PTGFRN: variants seen among roughly 807,000 people sequenced by gnomAD.
The protein encoded by PTGFRN is prostaglandin F2 receptor inhibitor, also known as prostaglandin F2 receptor negative regulator.
A neutral mutation model predicts 83.2 loss-of-function variants in PTGFRN; 35 were observed. The ratio of observed to expected loss-of-function variants is 0.42; its 90% CI spans 0.32 to 0.56. The LOEUF is 0.56. Among genes scored for constraint, PTGFRN ranks in the 20% least tolerant of loss-of-function variants. The pLI, the probability that PTGFRN is intolerant of heterozygous loss-of-function variation, is 0.11. For synonymous variants in PTGFRN, 519 were observed against 498.6 expected (o/e 1.04, Z -0.55); for missense variants, 1,051 against 1,179.5 (o/e 0.89, Z 1.60).
At chr1:116,934,510 G>A (rs1298318743) in intron 1 of PTGFRN, among the ~76,000 whole-genome samples, 1 of 151,932 alleles carries the variant, frequency 6.6e-6, no homozygotes, top group Non-Finnish European at 1.5e-5. Flanking sequence ...CTTAATTTCG[G>A]ATATTGTATT....
At chr1:116,924,080 G>GT (rs1168973344) in intron 1 of PTGFRN, among the ~76,000 whole-genome samples, 2 of 151,814 alleles carry the variant, frequency 1.3e-5, no homozygotes, top group Non-Finnish European at 2.9e-5. Context: ...TGCAGAAAAG[G>GT]TAAGTATGAT....
intron 7 of PTGFRN, among the ~76,000 whole-genome samples, chr1:116,981,045 C>A (rs528982058): frequency 6.6e-6 from 1 of 152,146 alleles, no homozygotes; most frequent in Admixed American, 6.5e-5. Context: ...TAAATTTTTT[C>A]TTTGCATTTA....
intron 7 of PTGFRN, among the ~76,000 whole-genome samples, chr1:116,981,400 T>G (rs12063648): frequency 0.35 from 53,350 of 151,938 alleles, 9,911 homozygotes; most frequent in African/African-American, 0.48. Flanking sequence ...TGTACAGAGG[T>G]CACAAGTTTC....
intron 7 of PTGFRN, among the ~76,000 whole-genome samples, chr1:116,976,969 C>T: frequency 6.6e-6 from 1 of 152,182 alleles, no homozygotes; most frequent in African/African-American, 2.4e-5. Context: ...GTGCTATATT[C>T]AGGAGACCCA....
intron 1 of PTGFRN, among the ~76,000 whole-genome samples, chr1:116,938,980 G>A (rs1047111243): frequency 5.3e-5 from 8 of 152,224 alleles, no homozygotes; most frequent in Admixed American, 2.0e-4. Context: ...TTGACTCCAC[G>A]TCTCACATCC....
intron 5 of PTGFRN, among the ~76,000 whole-genome samples, chr1:116,966,284 A>G (rs1570671480): frequency 1.3e-5 from 2 of 152,282 alleles, no homozygotes; most frequent in South Asian, 4.1e-4. Context: ...ATGTTTAAAC[A>G]GCATTTCTGA....
intron 5 of PTGFRN, among the ~76,000 whole-genome samples, chr1:116,963,919 G>A (rs1306243571): frequency 6.6e-6 from 1 of 151,950 alleles, no homozygotes; most frequent in Non-Finnish European, 1.5e-5. Flanking sequence ...GGAACTAGAG[G>A]CACTATAGGC....
At chr1:116,931,215 G>A (rs1003633965) in intron 1 of PTGFRN, among the ~76,000 whole-genome samples, 1 of 152,158 alleles carries the variant, frequency 6.6e-6, no homozygotes, top group African/African-American at 2.4e-5. Flanking sequence ...TCCTTAACTG[G>A]TAGGAATGCA....
intron 4 of PTGFRN, among the ~76,000 whole-genome samples, chr1:116,957,587 C>CCT (rs1650534805): frequency 6.6e-6 from 1 of 152,112 alleles, no homozygotes; most frequent in Admixed American, 6.5e-5. Flanking sequence ...AGCTAATTAA[C>CCT]ATATCCATTA....
intron 1 of PTGFRN, among the ~76,000 whole-genome samples, chr1:116,925,405 C>T (rs969656010): frequency 8.6e-5 from 13 of 150,464 alleles, no homozygotes; most frequent in Non-Finnish European, 1.3e-4. Flanking sequence ...CCAGCCTGGG[C>T]GACAGAGAGA....
rs1398886499 is a variant in PTGFRN, at chr1:116,918,332, A to T, written c.49+8080A>T. 6.6e-6 allele frequency among the ~76,000 whole-genome samples: 1 copy of T among 152,170 alleles called. No homozygotes were observed. The highest frequency in any genetic ancestry group is 2.4e-5 in the African/African-American group (1 of 41,426). ...TCACTTTCTGTCTCTGTGAAATGGG[A>T]ATAATACCTCTCTTGGAGGTTTTTC... On this transcript the variant is annotated intron_variant, in intron 1 of 8. Coordinates refer to ENST00000393203, the MANE Select transcript of PTGFRN (RefSeq NM_020440.4). The surrounding 1 kb of genome is among the most constrained non-coding windows in gnomAD (Gnocchi z 4.1).
chr1:116,963,657 G>T (rs907526864), intron 5 of PTGFRN, among the ~76,000 whole-genome samples: 46 of 152,236 alleles, frequency 3.0e-4, no homozygotes, highest in African/African-American at 1.1e-3. Context: ...GCCCAGGCTG[G>T]AGTACAGTGG....
intron 1 of PTGFRN, 127 bp downstream of exon 1, chr1:116,910,379 C>T: frequency 3.5e-6 from 3 of 847,266 alleles, no homozygotes; most frequent in Non-Finnish European, 4.5e-6. Context: ...GGAAACCCGG[C>T]CGGGGTGCGC....
At chr1:116,939,070 C>T (rs1188726510) in intron 1 of PTGFRN, among the ~76,000 whole-genome samples, 1 of 152,252 alleles carries the variant, frequency 6.6e-6, no homozygotes, top group African/African-American at 2.4e-5. Context: ...TACTGCCTCC[C>T]TCCCGGCTGC....
intron 5 of PTGFRN, among the ~76,000 whole-genome samples, chr1:116,963,078 A>G (rs1354227285): frequency 6.6e-6 from 1 of 152,180 alleles, no homozygotes; most frequent in Non-Finnish European, 1.5e-5. Context: ...TGGCCAAACC[A>G]CAACCCAGTT....
Position 116,918,007 on chromosome 1 carries a change from C to G in PTGFRN, c.49+7755C>G, listed in dbSNP as rs182205089. On this transcript the variant is annotated intron_variant, in intron 1 of 8. Transcript: ENST00000393203. This position sits in a 1 kb window ranked among gnomAD's most constrained non-coding sequence, Gnocchi z 4.1. ...TTGATTGGTGGAATTAACTTACTCT[C>G]TGATAGCTTTTAGGTCTTTGGCTGT... Among the ~76,000 whole-genome samples, 50 of 152,286 alleles carry G rather than the reference C, an allele frequency of 3.3e-4. No individual in the cohort carries two copies.
At chr1:116,970,034 A>G (rs1650946399) in intron 6 of PTGFRN, among the ~76,000 whole-genome samples, 1 of 152,182 alleles carries the variant, frequency 6.6e-6, no homozygotes, top group Non-Finnish European at 1.5e-5. Flanking sequence ...AGATTATGTC[A>G]TCTGTGAATA....
chr1:116,917,181 C>T (rs996797663), intron 1 of PTGFRN, among the ~76,000 whole-genome samples: 3 of 152,122 alleles, frequency 2.0e-5, no homozygotes, highest in African/African-American at 4.8e-5. Context: ...AATCACAGAA[C>T]TTGAGAAGTG....
Position 116,967,260 on chromosome 1 carries a change from CAG to C in PTGFRN, c.1990_1991del (p.Arg664GlyfsTer16). Reference protein sequence around the residue: ...RCMVTAWSPVRGSLWREAATS... With the variant: ...RCMVTAWSPVXGSLWREAATS... ...GCATGGTGACAGCCTGGTCTCCTGTCAGGGGCAGCCTTTGGCGAGAAGCAGCA... is the reference window on the plus strand; with the variant it reads ...GCATGGTGACAGCCTGGTCTCCTGTCGGGCAGCCTTTGGCGAGAAGCAGCA... On this transcript the variant is annotated frameshift_variant, in exon 6 of 9. Coordinates refer to ENST00000393203, the MANE Select transcript of PTGFRN (RefSeq NM_020440.4). LOFTEE classifies it high-confidence loss of function. The C allele has an allele frequency of 6.2e-7, 1 of 1,614,228 alleles. No individual in the cohort carries two copies. Among genetic ancestry groups the C allele is most frequent in the Non-Finnish European group, 8.5e-7 (1 of 1,180,030 alleles).
Sources: allele counts gnomAD v4.1 joint callset (sites outside exome capture counted in the v4.1 genomes callset), GRCh38; gene constraint gnomAD v4.1.1; non-coding constraint Gnocchi (gnomAD v3.1); transcripts MANE v1.5; gene names NCBI Gene and HGNC (gene_info 2026-07-23, HGNC 2026-07-21).